ABCA12: variants seen among roughly 807,000 people sequenced by gnomAD.
ABCA12 encodes ATP binding cassette subfamily A member 12, also known as glucosylceramide transporter ABCA12.
Under a neutral mutation model 293.5 loss-of-function variants are expected in ABCA12, and 156 were observed. The observed-to-expected ratio is 0.53, with a 90% CI of 0.47 to 0.61. The LOEUF is 0.61. Among genes scored for constraint, ABCA12 ranks in the 20% least tolerant of loss-of-function variants. The pLI, the probability that ABCA12 is intolerant of heterozygous loss-of-function variation, is 0.00. For missense variants in ABCA12, 2,797 were observed against 3,090.2 expected (o/e 0.91, Z 2.25); for synonymous variants, 1,063 against 1,108.0 (o/e 0.96, Z 0.81).
In ABCA12 at chr2:215,004,282, AG is replaced by A. The variant is rs1363412314; in HGVS notation, c.2609del (p.Pro870LeufsTer7). 3 of 1,612,820 alleles carry A rather than the reference AG, an allele frequency of 1.9e-6. No individual in the cohort carries two copies. Among genetic ancestry groups the A allele is most frequent in the South Asian group, 2.2e-5 (2 of 91,030 alleles). Reference sequence around the variant, plus strand: ...AGAACTTTACAAAAACTTGCACAAAAGGGTTCCTTAGAGTATTCTAACAAAT... The same window carrying A: ...AGAACTTTACAAAAACTTGCACAAAAGGTTCCTTAGAGTATTCTAACAAAT... ...IPMLQNTLRN[P>X]FVQVFVKFSV... On this transcript the variant is annotated frameshift_variant, in exon 20 of 53. Transcript: ENST00000272895. LOFTEE classifies it high-confidence loss of function.
chr2:215,061,962 T>C lies in ABCA12; in HGVS notation c.317+2104A>G, dbSNP rs374343322. On this transcript the variant is annotated intron_variant, in intron 3 of 52. Coordinates refer to ENST00000272895, the MANE Select transcript of ABCA12 (RefSeq NM_173076.3). ...ATACTGTTAATTATGTCCCTTATAG[T>C]TCTTTGTAAAATGGTAATCCAATTT... is the stretch of plus-strand genomic sequence containing the variant. Among the ~76,000 whole-genome samples, 8 of 152,062 alleles carry C rather than the reference T, an allele frequency of 5.3e-5. 1 individual carries two copies. The highest frequency in any genetic ancestry group is 1.7e-4 in the African/African-American group (7 of 41,426).
chr2:215,038,114 G>C (rs1701027287), intron 7 of ABCA12, among the ~76,000 whole-genome samples: 1 of 152,062 alleles, frequency 6.6e-6, no homozygotes, highest in South Asian at 2.1e-4. Flanking sequence ...TAGCTGTTTA[G>C]AGAACTAAAT....
intron 23 of ABCA12, among the ~76,000 whole-genome samples, chr2:214,994,249 A>G (rs1457634671): frequency 6.6e-6 from 1 of 152,000 alleles, no homozygotes; most frequent in Non-Finnish European, 1.5e-5. Context: ...CTTGGATGCC[A>G]TTAGTTCCTC....
At chr2:215,130,904 G>A (rs1307785367) in intron 1 of ABCA12, among the ~76,000 whole-genome samples, 1 of 151,204 alleles carries the variant, frequency 6.6e-6, no homozygotes, top group South Asian at 2.1e-4. Flanking sequence ...ATTATTTTGA[G>A]GTATGTTTCA....
At chr2:215,042,745 T>C (rs572372317) in intron 7 of ABCA12, among the ~76,000 whole-genome samples, 4 of 152,332 alleles carry the variant, frequency 2.6e-5, no homozygotes, top group Admixed American at 6.5e-5. Flanking sequence ...AAATATACAA[T>C]GGATTACTAT....
At chr2:215,036,827 TC>T (rs1199947172) in intron 8 of ABCA12, 125 bp downstream of exon 8, 4 of 831,602 alleles carry the variant, frequency 4.8e-6, no homozygotes, top group Non-Finnish European at 8.0e-6. Context: ...CCAGATTTAT[TC>T]ATAGCATATG....
At chr2:215,034,718 A>G (rs1191733554) in intron 8 of ABCA12, among the ~76,000 whole-genome samples, 1 of 152,216 alleles carries the variant, frequency 6.6e-6, no homozygotes, top group African/African-American at 2.4e-5. Context: ...AGCCTCCTTA[A>G]GCTTCTGTTT....
Position 214,980,333 on chromosome 2 carries a change from A to G in ABCA12, c.4740+150T>C, listed in dbSNP as rs990616734. The G allele has an allele frequency of 3.4e-6, 4 of 1,173,654 alleles. No homozygotes were observed. The South Asian group carries it at 5.5e-5, about 16-fold the overall frequency. 72.7% of individuals were successfully genotyped at this position (1,173,654 alleles called of 1,614,324 possible). On this transcript the variant is annotated intron_variant, in intron 31 of 52. Coordinates refer to ENST00000272895, the MANE Select transcript of ABCA12 (RefSeq NM_173076.3). Reference sequence around the variant, plus strand: ...ACTCTGGGTTTTAGTCAAGACCTCCAGGATTTCGATGCTCACTCAAATATG... The same window carrying G: ...ACTCTGGGTTTTAGTCAAGACCTCCGGGATTTCGATGCTCACTCAAATATG...
intron 19 of ABCA12, among the ~76,000 whole-genome samples, chr2:215,004,558 C>T (rs1700214497): frequency 6.6e-6 from 1 of 152,162 alleles, no homozygotes; most frequent in African/African-American, 2.4e-5. Flanking sequence ...CTACAATTAT[C>T]AACATTAGAA....
intron 2 of ABCA12, among the ~76,000 whole-genome samples, chr2:215,071,699 GT>G (rs1218469441): frequency 6.6e-6 from 1 of 152,146 alleles, no homozygotes; most frequent in African/African-American, 2.4e-5. Context: ...CTTGTGTAAG[GT>G]ACTATAAGCA....
chr2:215,010,094 T>G (rs1337048398), intron 18 of ABCA12, among the ~76,000 whole-genome samples: 1 of 152,182 alleles, frequency 6.6e-6, no homozygotes, highest in Non-Finnish European at 1.5e-5. Context: ...TCAACTAACC[T>G]CATTCTCAAA....
At chr2:214,984,424 T>C (rs1396889062) in intron 28 of ABCA12, among the ~76,000 whole-genome samples, 1 of 152,124 alleles carries the variant, frequency 6.6e-6, no homozygotes, top group Non-Finnish European at 1.5e-5. Flanking sequence ...TCCAAGTACG[T>C]TCTCCCTCCT....
rs6733264 is a variant in ABCA12, at chr2:215,010,241, G to C, written c.2472+90C>G. 27 of 1,479,386 alleles carry C rather than the reference G, an allele frequency of 1.8e-5. No individual in the cohort carries two copies. The East Asian group carries it at 2.5e-4, about 14-fold the overall frequency. 91.6% of individuals were successfully genotyped at this position (1,479,386 alleles called of 1,614,324 possible). A position where few individuals can be genotyped will look rare whatever the true frequency, so the allele number is the denominator to read the frequency against. On this transcript the variant is annotated intron_variant, in intron 18 of 52. Transcript: ENST00000272895. ...ATAATAATAGTAGGTAAGATAGAAA[G>C]AAATCAGTCAGCTAAAGTAAATTTG...
At position 215,031,820 on chromosome 2, in the gene ABCA12, C is replaced by T. The variant is rs1700884117; in HGVS notation, c.1061+1G>A. 1.2e-6 allele frequency: 2 copies of T among 1,613,786 alleles called. No homozygotes were observed. The highest frequency in any genetic ancestry group is 1.7e-6 in the Non-Finnish European group (2 of 1,179,938). ...CTATTTAGAAATAAACAAAGACTTA[C>T]TGTGCAGCCAGACTGCTTGGAGATA... is the stretch of plus-strand genomic sequence containing the variant. On this transcript the variant is annotated splice_donor_variant, in intron 9 of 52. Transcript: ENST00000272895. LOFTEE classifies it high-confidence loss of function.
At chr2:215,086,827 C>A (rs1181391421) in intron 2 of ABCA12, among the ~76,000 whole-genome samples, 1 of 152,106 alleles carries the variant, frequency 6.6e-6, no homozygotes, top group Non-Finnish European at 1.5e-5. Flanking sequence ...GTGTGGCAAA[C>A]TGTGAGGCTT....
At chr2:215,131,371 T>C (rs1037619246) in intron 1 of ABCA12, among the ~76,000 whole-genome samples, 2 of 152,054 alleles carry the variant, frequency 1.3e-5, no homozygotes, top group Non-Finnish European at 2.9e-5. Context: ...TCCTGGGCTT[T>C]TTTTATCGGG....
chr2:215,096,100 A>C (rs2106111903), intron 2 of ABCA12, among the ~76,000 whole-genome samples: 1 of 152,354 alleles, frequency 6.6e-6, no homozygotes, highest in East Asian at 1.9e-4. Context: ...CAGCTGTTTA[A>C]TCTTGGGCAA....
intron 49 of ABCA12, among the ~76,000 whole-genome samples, chr2:214,943,654 G>GTTT (rs1698482029): frequency 6.6e-6 from 1 of 152,144 alleles, no homozygotes; most frequent in Non-Finnish European, 1.5e-5. Context: ...CCTTAGAAGT[G>GTTT]TTTCCAAAAT....
Position 214,953,981 on chromosome 2 carries a change from C to G in ABCA12, c.6520G>C (p.Val2174Leu), listed in dbSNP as rs748549796. ...TCAAAGGTTTCATTTGGGTATTCCA[C>G]TCCATATGCTTTTAAGAAGTCTAGG... ...SVLDFLKAYG[V>L]EYPNETFEMN... Residue 2174 changes from valine (V) to leucine (L), a missense_variant, in exon 44 of 53, where the codon GTG (valine) becomes CTG (leucine). Physicochemically the swap from Val to Leu is conservative, Grantham distance 32 (BLOSUM62 1). Coordinates refer to ENST00000272895, the MANE Select transcript of ABCA12 (RefSeq NM_173076.3). The G allele has an allele frequency of 6.2e-6, 10 of 1,613,968 alleles. No individual in the cohort carries two copies. The East Asian group carries it at 2.2e-4, about 36-fold the overall frequency.
Sources: gnomAD v4.1 joint callset for allele counts (sites outside exome capture counted in the v4.1 genomes callset) on GRCh38, gnomAD v4.1.1 for gene constraint, MANE v1.5 for transcripts, NCBI Gene and HGNC (gene_info 2026-07-23, HGNC 2026-07-21) for gene names.